Variants in CLEC16A observed in about 807,000 individuals in gnomAD.
The protein encoded by CLEC16A is C-type lectin domain containing 16A.
Under a neutral mutation model 109.5 loss-of-function variants are expected in CLEC16A, and 51 were observed. The observed-to-expected ratio is 0.47, with a 90% CI of 0.37 to 0.59. The LOEUF (loss-of-function observed/expected upper bound fraction) is 0.59, where lower values mean the gene tolerates loss of function less well. Ranked by LOEUF, CLEC16A falls within the 20% of genes least tolerant of loss-of-function variation. The pLI is 0.00. For missense variants in CLEC16A, 1,339 were observed against 1,394.0 expected (o/e 0.96, Z 0.63); for synonymous variants, 673 against 564.2 (o/e 1.19, Z -2.73).
intron 22 of CLEC16A, among the ~76,000 whole-genome samples, chr16:11,153,098 T>C (rs2054360324): frequency 6.6e-6 from 1 of 152,130 alleles, no homozygotes; most frequent in Admixed American, 6.5e-5. Context: ...TAATAATAAA[T>C]GTAGAGGAAG....
intron 1 of CLEC16A, among the ~76,000 whole-genome samples, chr16:10,946,185 T>C (rs552386701): frequency 1.3e-4 from 20 of 152,208 alleles, no homozygotes; most frequent in African/African-American, 4.6e-4. Flanking sequence ...ATCCTGAGAC[T>C]ACTAATGGGA....
At chr16:11,102,200 C>A (rs1246318923) in intron 19 of CLEC16A, among the ~76,000 whole-genome samples, 3 of 152,112 alleles carry the variant, frequency 2.0e-5, no homozygotes, top group Non-Finnish European at 4.4e-5. Flanking sequence ...TAAATAAGGC[C>A]ATCTGATTGG....
intron 22 of CLEC16A, chr16:11,156,950 A>C (rs975161913): frequency 1.5e-5 from 3 of 193,568 alleles, no homozygotes; most frequent in African/African-American, 1.0e-4. Flanking sequence ...GCCGGTAGCA[A>C]AAGGGGCATT....
chr16:11,136,610 G>C (rs1346373702), intron 22 of CLEC16A, among the ~76,000 whole-genome samples: 1 of 152,206 alleles, frequency 6.6e-6, no homozygotes, highest in Non-Finnish European at 1.5e-5. Context: ...AAGACATGCT[G>C]CAGTGGCACA....
intron 19 of CLEC16A, among the ~76,000 whole-genome samples, chr16:11,098,493 G>A (rs2050731972): frequency 1.3e-5 from 2 of 152,252 alleles, no homozygotes; most frequent in African/African-American, 4.8e-5. Flanking sequence ...GGTCCCAGCT[G>A]TGGCTTCCTA....
intron 23 of CLEC16A, among the ~76,000 whole-genome samples, chr16:11,173,899 T>TG (rs1259313549): frequency 6.6e-6 from 1 of 152,152 alleles, no homozygotes; most frequent in East Asian, 1.9e-4. Context: ...CCGGTTAAGT[T>TG]GCACGAGTGA....
intron 23 of CLEC16A, among the ~76,000 whole-genome samples, chr16:11,168,110 G>A (rs111482581): frequency 0.018 from 2,801 of 152,216 alleles, 92 homozygotes; most frequent in African/African-American, 0.064. Flanking sequence ...AGTTAACACC[G>A]GCAAAGACCC....
chr16:11,144,613 C>T (rs895453011), intron 22 of CLEC16A, among the ~76,000 whole-genome samples: 5 of 152,226 alleles, frequency 3.3e-5, no homozygotes, highest in Non-Finnish European at 7.3e-5. Flanking sequence ...CACGCCTGAG[C>T]CAGGCCAGCC....
At chr16:10,946,956 A>C (rs977083320) in intron 1 of CLEC16A, among the ~76,000 whole-genome samples, 4 of 152,228 alleles carry the variant, frequency 2.6e-5, no homozygotes, top group African/African-American at 9.7e-5. Flanking sequence ...AAACTTCCCA[A>C]TAAGTCTGTT....
intron 22 of CLEC16A, among the ~76,000 whole-genome samples, chr16:11,163,242 C>T (rs1235161632): frequency 6.6e-6 from 1 of 152,196 alleles, no homozygotes; most frequent in Non-Finnish European, 1.5e-5. Context: ...TGATGTGTTG[C>T]CACTTTGATT....
At chr16:11,007,064 G>A (rs1218732192) in intron 11 of CLEC16A, among the ~76,000 whole-genome samples, 4 of 152,116 alleles carry the variant, frequency 2.6e-5, no homozygotes, top group Non-Finnish European at 5.9e-5. Context: ...TATCTCTTTT[G>A]GAATTTACTT....
intron 22 of CLEC16A, among the ~76,000 whole-genome samples, chr16:11,146,504 AGAGG>A (rs1490673174): frequency 7.2e-5 from 10 of 139,684 alleles, no homozygotes; most frequent in South Asian, 2.7e-4. Context: ...GAATGGATGT[AGAGG>A]GAGGGAGGGA....
At chr16:10,965,731 A>C in intron 3 of CLEC16A, among the ~76,000 whole-genome samples, 1 of 152,262 alleles carries the variant, frequency 6.6e-6, no homozygotes, top group African/African-American at 2.4e-5. Context: ...AGGATACCAC[A>C]GAAAGTCAGC....
At chr16:11,125,126 C>A (rs534100189) in intron 21 of CLEC16A, among the ~76,000 whole-genome samples, 1 of 152,120 alleles carries the variant, frequency 6.6e-6, no homozygotes, top group Non-Finnish European at 1.5e-5. Flanking sequence ...TGGGCGTTAC[C>A]GATGCGATGA....
At chr16:10,967,031 A>G (rs2042544870) in intron 3 of CLEC16A, among the ~76,000 whole-genome samples, 1 of 152,124 alleles carries the variant, frequency 6.6e-6, no homozygotes, top group Non-Finnish European at 1.5e-5. Context: ...GCTTGGAGGG[A>G]TCCCCAAGCA....
At chr16:10,999,635 T>C (rs2044543585) in intron 10 of CLEC16A, among the ~76,000 whole-genome samples, 1 of 152,248 alleles carries the variant, frequency 6.6e-6, no homozygotes, top group Non-Finnish European at 1.5e-5. Context: ...GGTCGTGTTA[T>C]AAAGGTTTGA....
At chr16:11,158,575 T>C (rs1330677610) in intron 22 of CLEC16A, among the ~76,000 whole-genome samples, 1 of 152,024 alleles carries the variant, frequency 6.6e-6, no homozygotes, top group Non-Finnish European at 1.5e-5. Context: ...GCCCCCCACC[T>C]CCAGAGTTTG....
intron 1 of CLEC16A, among the ~76,000 whole-genome samples, chr16:10,956,365 C>T (rs527288318): frequency 2.6e-5 from 4 of 152,284 alleles, no homozygotes; most frequent in South Asian, 2.1e-4. Flanking sequence ...ATGTCTTACC[C>T]GTTTTTAGAG....
intron 22 of CLEC16A, chr16:11,157,325 G>A (rs1372734508): frequency 1.1e-6 from 1 of 904,496 alleles, no homozygotes; most frequent in Non-Finnish European, 1.4e-6. Flanking sequence ...TTCCCCAGGT[G>A]CCTGATGTGT....
Sources: gnomAD v4.1 joint callset for allele counts (sites outside exome capture counted in the v4.1 genomes callset) on GRCh38, gnomAD v4.1.1 for gene constraint, MANE v1.5 for transcripts, NCBI Gene and HGNC (gene_info 2026-07-23, HGNC 2026-07-21) for gene names.